Variants in ROBO2 observed in about 807,000 individuals in gnomAD.
ROBO2 encodes roundabout homolog 2.
In ROBO2, 53 loss-of-function variants were observed where a neutral mutation model predicts 160.8. The ratio of observed to expected loss-of-function variants is 0.33; its 90% confidence interval spans 0.26 to 0.41. ROBO2 has a LOEUF of 0.41. Ranked by LOEUF, ROBO2 falls within the 10% of genes least tolerant of loss-of-function variation. The pLI is 1.00. For synonymous variants in ROBO2, 664 were observed against 611.7 expected (o/e 1.09, Z -1.26); for missense variants, 1,577 against 1,722.4 (o/e 0.92, Z 1.49).
intron 2 of ROBO2, among the ~76,000 whole-genome samples, chr3:76,073,118 G>C (rs921831051): frequency 6.6e-6 from 1 of 151,968 alleles, no homozygotes; most frequent in African/African-American, 2.4e-5. Context: ...CTCTTGTATC[G>C]TGGCTGAAAT....
chr3:77,329,599 T>C (rs1179489547), intron 2 of ROBO2, among the ~76,000 whole-genome samples: 1 of 152,204 alleles, frequency 6.6e-6, no homozygotes, highest in Admixed American at 6.5e-5. Flanking sequence ...AGTGATACTA[T>C]AGTGACTTCT....
intron 2 of ROBO2, among the ~76,000 whole-genome samples, chr3:76,925,597 A>G (rs1159768778): frequency 6.6e-6 from 1 of 152,176 alleles, no homozygotes; most frequent in Non-Finnish European, 1.5e-5. Context: ...AGGGTAGAAT[A>G]TTGTTTTGAT....
At chr3:77,395,526 G>A (rs550962438) in intron 2 of ROBO2, among the ~76,000 whole-genome samples, 5 of 152,210 alleles carry the variant, frequency 3.3e-5, no homozygotes, top group Non-Finnish European at 5.9e-5. Context: ...TAATTGAATT[G>A]TATTTTAGAT....
At chr3:76,460,519 A>G (rs2078028424) in intron 2 of ROBO2, among the ~76,000 whole-genome samples, 1 of 152,186 alleles carries the variant, frequency 6.6e-6, no homozygotes, top group East Asian at 1.9e-4. Context: ...GTTGCATACA[A>G]TGGGACAAAC....
intron 2 of ROBO2, among the ~76,000 whole-genome samples, chr3:76,148,070 T>C (rs891928562): frequency 6.6e-6 from 1 of 152,008 alleles, no homozygotes; most frequent in African/African-American, 2.4e-5. Context: ...TAATGCTGAG[T>C]GTGCTGCAAG....
At chr3:76,053,077 A>G (rs1259081425) in intron 2 of ROBO2, among the ~76,000 whole-genome samples, 1 of 152,034 alleles carries the variant, frequency 6.6e-6, no homozygotes, top group Non-Finnish European at 1.5e-5. Flanking sequence ...CCACTTGCCT[A>G]GCTTCCCCCA....
At chr3:77,205,208 C>T (rs2083306063) in intron 2 of ROBO2, among the ~76,000 whole-genome samples, 1 of 152,040 alleles carries the variant, frequency 6.6e-6, no homozygotes, top group Non-Finnish European at 1.5e-5. Context: ...TGTCCAGTGT[C>T]CCAGAAGGAT....
At chr3:76,809,448 C>T (rs1374320919) in intron 2 of ROBO2, among the ~76,000 whole-genome samples, 1 of 152,168 alleles carries the variant, frequency 6.6e-6, no homozygotes. Context: ...AAGCCTCTCA[C>T]CTCTGTCTAC....
intron 2 of ROBO2, among the ~76,000 whole-genome samples, chr3:76,400,813 A>G (rs1204149584): frequency 1.3e-5 from 2 of 151,530 alleles, no homozygotes; most frequent in African/African-American, 4.8e-5. Flanking sequence ...ATTTAAAATA[A>G]TGTAGACCAT....
intron 2 of ROBO2, among the ~76,000 whole-genome samples, chr3:77,009,152 C>T (rs746230401): frequency 2.0e-5 from 3 of 152,188 alleles, no homozygotes; most frequent in Non-Finnish European, 4.4e-5. Flanking sequence ...CAGTGACTAA[C>T]TGATCCTTGA....
At chr3:77,487,569 G>A (rs2085522529) in intron 4 of ROBO2, among the ~76,000 whole-genome samples, 1 of 152,086 alleles carries the variant, frequency 6.6e-6, no homozygotes, top group East Asian at 1.9e-4. Flanking sequence ...TTCTGGAAGG[G>A]CATGACAATT....
At chr3:77,289,410 G>A (rs1284119196) in intron 2 of ROBO2, among the ~76,000 whole-genome samples, 1 of 151,838 alleles carries the variant, frequency 6.6e-6, no homozygotes, top group Non-Finnish European at 1.5e-5. Context: ...CGTTTAAACG[G>A]GGACACTGAG....
At chr3:76,036,414 T>G (rs1034918814) in intron 2 of ROBO2, among the ~76,000 whole-genome samples, 2 of 151,786 alleles carry the variant, frequency 1.3e-5, no homozygotes, top group African/African-American at 4.9e-5. Context: ...CCTCCCAAAG[T>G]GCTGGGATTA....
chr3:77,136,965 G>A (rs1006516512), intron 2 of ROBO2, among the ~76,000 whole-genome samples: 1 of 151,968 alleles, frequency 6.6e-6, no homozygotes, highest in African/African-American at 2.4e-5. Context: ...ATTATTTTTT[G>A]TAGAGACAGG....
intron 2 of ROBO2, among the ~76,000 whole-genome samples, chr3:77,333,891 A>G (rs2066228162): frequency 6.6e-6 from 1 of 152,212 alleles, no homozygotes; most frequent in Admixed American, 6.5e-5. Flanking sequence ...CTAGCATTAA[A>G]AAGGGCGAAG....
rs539664565 is a variant in ROBO2 at position 76,480,932 on chromosome 3, G to T, written c.109+543330G>T. Among the ~76,000 whole-genome samples, 105 of 152,232 alleles carry T rather than the reference G, an allele frequency of 6.9e-4. 1 individual carries two copies. Among genetic ancestry groups the T allele is most frequent in the Non-Finnish European group, 1.1e-3 (77 of 68,006 alleles). Reference sequence around the variant, plus strand: ...CAACTTTTCAATTTTTGATTCAGGGGATATGGCAACACATTATTGAAAATA... The same window carrying T: ...CAACTTTTCAATTTTTGATTCAGGGTATATGGCAACACATTATTGAAAATA... On this transcript the variant is annotated intron_variant, in intron 2 of 26. Coordinates refer to the ROBO2 transcript ENST00000487694.
At chr3:76,411,559 TA>T (rs2075485555) in intron 2 of ROBO2, among the ~76,000 whole-genome samples, 1 of 152,154 alleles carries the variant, frequency 6.6e-6, no homozygotes, top group Admixed American at 6.6e-5. Context: ...TTTTCTGCCA[TA>T]GTTCTTCAGA....
At chr3:77,147,222 A>T (rs2150491250) in intron 2 of ROBO2, among the ~76,000 whole-genome samples, 1 of 152,286 alleles carries the variant, frequency 6.6e-6, no homozygotes, top group South Asian at 2.1e-4. Context: ...AGAAAATCTG[A>T]GACTGCTTGC....
In ROBO2 at chr3:77,563,296, T is replaced by C. The variant is rs773909718; in HGVS notation, c.1649T>C (p.Leu550Pro). The C allele has an allele frequency of 2.5e-6, 4 of 1,613,564 alleles. No homozygotes were observed. Among genetic ancestry groups the C allele is most frequent in the Non-Finnish European group, 3.4e-6 (4 of 1,179,672 alleles). Residue 550 changes from leucine to proline, a missense_variant, in exon 11 of 26, where the codon CTT becomes CCT. Physicochemically the swap from Leu to Pro is moderately conservative, Grantham distance 98 (BLOSUM62 -3). Transcript: ENST00000461745. ...TGGCAGCCAGGTACCCCTGGAACCC[T>C]TCCAGCAAGTGCATATATCATTGAG...
Sources: allele counts gnomAD v4.1 joint callset (sites outside exome capture counted in the v4.1 genomes callset), GRCh38; gene constraint gnomAD v4.1.1; transcripts MANE v1.5; gene names NCBI Gene and HGNC (gene_info 2026-07-23, HGNC 2026-07-21).